Variants in SLC35D2 observed in about 807,000 individuals in gnomAD.
SLC35D2 encodes the protein solute carrier family 35 member D2.
Under a neutral mutation model 41.8 loss-of-function variants are expected in SLC35D2, and 43 were observed. That is an observed-to-expected ratio of 1.03 (90% CI 0.81 to 1.33). The LOEUF is 1.33. SLC35D2 is among the 40% of genes most tolerant of loss of function. The pLI is 0.00. For missense variants in SLC35D2, 380 were observed against 408.4 expected (o/e 0.93, Z 0.60); for synonymous variants, 150 against 163.9 (o/e 0.92, Z 0.65).
At chr9:96,339,518 T>A (rs1299779496) in intron 8 of SLC35D2, among the ~76,000 whole-genome samples, 8 of 152,158 alleles carry the variant, frequency 5.3e-5, no homozygotes, top group African/African-American at 1.9e-4. Context: ...TCATAAAAAA[T>A]AATGTAGCAT....
intron 8 of SLC35D2, among the ~76,000 whole-genome samples, chr9:96,337,249 G>T: frequency 6.6e-6 from 1 of 151,862 alleles, no homozygotes; most frequent in South Asian, 2.1e-4. Flanking sequence ...GTCTTGCTCT[G>T]TCACCCAGGC....
At chr9:96,380,301 A>G (rs1479265457) in intron 1 of SLC35D2, among the ~76,000 whole-genome samples, 1 of 152,102 alleles carries the variant, frequency 6.6e-6, no homozygotes. Flanking sequence ...CCTGCTTCCA[A>G]TAAGAGGACT....
downstream of SLC35D2, among the ~76,000 whole-genome samples, chr9:96,316,625 A>G (rs547679158): frequency 1.2e-4 from 18 of 152,324 alleles, 1 homozygote; most frequent in East Asian, 2.9e-3. Flanking sequence ...AGAGCCCCCA[A>G]GTTACCAATG....
intron 10 of SLC35D2, among the ~76,000 whole-genome samples, chr9:96,323,313 C>A (rs1420255573): frequency 6.6e-6 from 1 of 152,222 alleles, no homozygotes; most frequent in East Asian, 1.9e-4. Context: ...CCTATTCATT[C>A]ATGTGCATGT....
intron 9 of SLC35D2, among the ~76,000 whole-genome samples, chr9:96,326,401 A>G (rs567020812): frequency 1.3e-5 from 2 of 152,254 alleles, no homozygotes; most frequent in Non-Finnish European, 2.9e-5. Flanking sequence ...AACTTGAGTT[A>G]ATAAGCCATT....
At chr9:96,382,496 C>CTCTATATATATATATATATATATATA (rs1554719387) in intron 1 of SLC35D2, among the ~76,000 whole-genome samples, 16 of 127,906 alleles carry the variant, frequency 1.3e-4, no homozygotes, top group African/African-American at 4.7e-4. Flanking sequence ...CACACACACA[C>CTCTATATATATATATATATATATATA]TATATATATA....
chr9:96,341,214 G>A (rs111859348), intron 8 of SLC35D2, among the ~76,000 whole-genome samples: 3 of 152,136 alleles, frequency 2.0e-5, no homozygotes, highest in African/African-American at 7.2e-5. Context: ...TTGAATGTGG[G>A]AGACAGAAGT....
exon 12 of SLC35D2, chr9:96,314,790 T>G (rs953342817): frequency 1.3e-5 from 2 of 152,316 alleles, no homozygotes; most frequent in Admixed American, 1.3e-4. Flanking sequence ...TTAGATGGGA[T>G]GAGAATTCAG....
At chr9:96,325,363 C>T (rs1008205667) in intron 9 of SLC35D2, among the ~76,000 whole-genome samples, 7 of 152,092 alleles carry the variant, frequency 4.6e-5, no homozygotes, top group African/African-American at 1.7e-4. Flanking sequence ...AAGGAGAGTA[C>T]AAGATGTGTG....
intron 4 of SLC35D2, among the ~76,000 whole-genome samples, chr9:96,358,496 C>T (rs1830130466): frequency 6.6e-6 from 1 of 152,050 alleles, no homozygotes; most frequent in Non-Finnish European, 1.5e-5. Flanking sequence ...TTGCAAAACA[C>T]ATATTTGATA....
chr9:96,351,407 A>G (rs1190322914), intron 5 of SLC35D2, among the ~76,000 whole-genome samples: 1 of 151,904 alleles, frequency 6.6e-6, no homozygotes, highest in African/African-American at 2.4e-5. Flanking sequence ...TTCTCACTAG[A>G]GAGATACTGG....
chr9:96,321,577 C>G (rs1828228069), intron 11 of SLC35D2, among the ~76,000 whole-genome samples: 1 of 152,146 alleles, frequency 6.6e-6, no homozygotes. Context: ...AAAATAAGCA[C>G]TTGGTTTCTA....
At position 96,324,128 on chromosome 9, in the gene SLC35D2, T is replaced by C. The variant is rs753448649; in HGVS notation, c.794A>G (p.Asn265Ser). Reference sequence around the variant, plus strand: ...AACCACTGCTGTCGTCAGGGCTGAATTGTAATAGCTGCACAGAACCGTGGA... The same window carrying C: ...AACCACTGCTGTCGTCAGGGCTGAACTGTAATAGCTGCACAGAACCGTGGA... Reference protein sequence around the residue: ...MYSTVLCSYYNSALTTAVVGA... With the variant: ...MYSTVLCSYYSSALTTAVVGA... The change falls in exon 10 of 12, where the codon AAT becomes AGT. Residue 265 changes from asparagine to serine, a missense_variant. Coordinates refer to ENST00000253270, the MANE Select transcript of SLC35D2 (RefSeq NM_007001.3). 11 of 1,613,992 alleles carry C rather than the reference T, an allele frequency of 6.8e-6. No individual in the cohort carries two copies. Among genetic ancestry groups the C allele is most frequent in the Admixed American group, 1.7e-5 (1 of 60,014 alleles).
rs906000581 is a variant in SLC35D2 at position 96,360,628 on chromosome 9, CAAAAAA to C, written c.280-413_280-408del. ...TGGGCAACAGAGCAAGACTTCATCT[CAAAAAA>C]AAAAAAAAAAAAAAAAAAAAGAAAA... On this transcript the variant is annotated intron_variant, in intron 3 of 11. Transcript: ENST00000253270. 2.2e-3 allele frequency among the ~76,000 whole-genome samples: 34 copies of C among 15,698 alleles called. 1 individual carries two copies. Among genetic ancestry groups the C allele is most frequent in the African/African-American group, 4.4e-3 (17 of 3,884 alleles). The allele number at this position is 15,698 out of a possible 152,430, so 10.3% of individuals were successfully genotyped here. A position where few individuals can be genotyped will look rare whatever the true frequency, so the allele number is the denominator to read the frequency against.
intron 2 of SLC35D2, among the ~76,000 whole-genome samples, chr9:96,365,197 A>G (rs1830428856): frequency 6.6e-6 from 1 of 152,082 alleles, no homozygotes. Context: ...CTACAAAAAA[A>G]TACAAAAAAT....
Position 96,378,893 on chromosome 9 carries a change from C to T in SLC35D2, c.158+4584G>A, listed in dbSNP as rs532515347. Among the ~76,000 whole-genome samples the T allele has an allele frequency of 1.9e-3, 286 of 151,514 alleles. 2 individuals carry two copies. The highest frequency in any genetic ancestry group is 6.5e-3 in the African/African-American group (267 of 41,288). On this transcript the variant is annotated intron_variant, in intron 1 of 11. Coordinates refer to ENST00000253270, the MANE Select transcript of SLC35D2 (RefSeq NM_007001.3). ...GCTGTGAGCCTTGATCATGCCACCG[C>T]GCTCCAGCCTGGGCAACAGAACAAG...
intron 8 of SLC35D2, among the ~76,000 whole-genome samples, chr9:96,341,219 A>C (rs1350046014): frequency 6.6e-6 from 1 of 152,268 alleles, no homozygotes; most frequent in Non-Finnish European, 1.5e-5. Flanking sequence ...TGTGGGAGAC[A>C]GAAGTTTCAG....
At chr9:96,344,068 A>G in intron 7 of SLC35D2, 72 bp from the exon 8 acceptor site, 2 of 877,374 alleles carry the variant, frequency 2.3e-6, no homozygotes, top group South Asian at 1.7e-5. Context: ...AGCCATTTAT[A>G]CAACTGCATA....
intron 9 of SLC35D2, 24 bp from the exon 10 acceptor site, chr9:96,324,193 G>C (rs1408468006): frequency 6.3e-7 from 1 of 1,590,848 alleles, no homozygotes; most frequent in Non-Finnish European, 8.6e-7. Flanking sequence ...GCAGACACTG[G>C]AGTGTGTGCC....
Sources: allele counts gnomAD v4.1 joint callset (sites outside exome capture counted in the v4.1 genomes callset), GRCh38; gene constraint gnomAD v4.1.1; transcripts MANE v1.5; gene names NCBI Gene and HGNC (gene_info 2026-07-23, HGNC 2026-07-21).